The following CNPY1 variants were observed in gnomAD, a reference collection of about 807,000 sequenced individuals.
CNPY1 encodes canopy FGF signaling regulator 1.
CNPY1 carries 14 observed loss-of-function variants against 14.4 expected under a neutral mutation model. The ratio of observed to expected loss-of-function variants is 0.97; its 90% confidence interval spans 0.64 to 1.52. The LOEUF (loss-of-function observed/expected upper bound fraction) is 1.52. CNPY1 is among the 40% of genes most tolerant of loss of function. The pLI is 0.00. For missense variants in CNPY1, 129 were observed against 131.5 expected (o/e 0.98, Z 0.09); for synonymous variants, 43 against 46.5 (o/e 0.92, Z 0.31).
intron 4 of CNPY1, among the ~76,000 whole-genome samples, chr7:155,504,304 T>C: frequency 6.6e-6 from 1 of 152,178 alleles, no homozygotes; most frequent in Admixed American, 6.5e-5. Context: ...ATGTGTTATA[T>C]TTTCATCCAA....
chr7:155,532,393 C>A (rs893024526), intron 2 of CNPY1, among the ~76,000 whole-genome samples: 15 of 151,264 alleles, frequency 9.9e-5, no homozygotes, highest in African/African-American at 3.7e-4. Flanking sequence ...GAGGCCGAGG[C>A]GGGCGGATCA....
chr7:155,533,768 TG>T (rs1796984563), intron 2 of CNPY1: 1 of 152,260 alleles, frequency 6.6e-6, no homozygotes, highest in African/African-American at 2.4e-5. Flanking sequence ...ACCTGCTCCC[TG>T]TAGTACAGTC....
chr7:155,527,856 G>T (rs1796857697), intron 2 of CNPY1, among the ~76,000 whole-genome samples: 1 of 152,208 alleles, frequency 6.6e-6, no homozygotes, highest in Admixed American at 6.5e-5. Context: ...CCACACACAG[G>T]GGTCCCGGCC....
chr7:155,534,744 G>A (rs76668270), intron 2 of CNPY1, among the ~76,000 whole-genome samples: 1,755 of 152,302 alleles, frequency 0.012, 16 homozygotes, highest in Middle Eastern at 0.031. Context: ...ATGGGACTCC[G>A]GCCTCCGGTG....
chr7:155,538,749 T>C (rs749241115), intron 2 of CNPY1, among the ~76,000 whole-genome samples: 4 of 152,154 alleles, frequency 2.6e-5, no homozygotes, highest in Non-Finnish European at 5.9e-5. Flanking sequence ...GCTGTTCACT[T>C]TTCTGCTCTG....
At chr7:155,542,110 G>A (rs751465277) in intron 2 of CNPY1, among the ~76,000 whole-genome samples, 1 of 152,070 alleles carries the variant, frequency 6.6e-6, no homozygotes, top group Admixed American at 6.5e-5. Context: ...TGGGACGCTC[G>A]ATGTGGAGTA....
intron 2 of CNPY1, among the ~76,000 whole-genome samples, chr7:155,531,435 G>C (rs1056462849): frequency 6.6e-6 from 1 of 152,174 alleles, no homozygotes; most frequent in Non-Finnish European, 1.5e-5. Context: ...GAGAGGCTTC[G>C]ACAACTAATT....
chr7:155,531,349 T>C (rs950635901), intron 2 of CNPY1, among the ~76,000 whole-genome samples: 1 of 152,238 alleles, frequency 6.6e-6, no homozygotes, highest in Admixed American at 6.5e-5. Flanking sequence ...AATGTTGATG[T>C]TTTTAGAAAC....
chr7:155,540,255 G>A (rs985366271), intron 2 of CNPY1, among the ~76,000 whole-genome samples: 6 of 152,198 alleles, frequency 3.9e-5, no homozygotes, highest in Admixed American at 6.5e-5. Flanking sequence ...AGACAGCTTC[G>A]AAGGACTTCC....
intron 2 of CNPY1, among the ~76,000 whole-genome samples, chr7:155,542,742 G>A (rs537779624): frequency 6.6e-6 from 1 of 152,344 alleles, no homozygotes; most frequent in South Asian, 2.1e-4. Flanking sequence ...ACCAGGGACT[G>A]AGCCAGTGCG....
intron 2 of CNPY1, among the ~76,000 whole-genome samples, chr7:155,529,781 TTTTTTTTCTTTAA>T (rs1478699270): frequency 2.0e-5 from 3 of 151,666 alleles, no homozygotes; most frequent in East Asian, 3.9e-4. Flanking sequence ...CTTTTCTTTT[TTTTTTTTCTTTAA>T]TTTTTTGAGA....
chr7:155,528,341 A>C (rs1471932894), intron 2 of CNPY1, among the ~76,000 whole-genome samples: 1 of 152,228 alleles, frequency 6.6e-6, no homozygotes, highest in East Asian at 1.9e-4. Flanking sequence ...GGGCGGGCCC[A>C]GGAGCCCAGA....
At chr7:155,507,636 G>A (rs1159278023) in intron 3 of CNPY1, among the ~76,000 whole-genome samples, 2 of 151,962 alleles carry the variant, frequency 1.3e-5, no homozygotes, top group East Asian at 3.8e-4. Flanking sequence ...TTTCACTGTG[G>A]AGAACACCCT....
At chr7:155,504,151 G>A (rs185828926) in intron 4 of CNPY1, among the ~76,000 whole-genome samples, 1 of 152,278 alleles carries the variant, frequency 6.6e-6, no homozygotes, top group East Asian at 1.9e-4. Flanking sequence ...TCCAAAAACA[G>A]AGTACATTTG....
At chr7:155,521,723 C>A (rs1796729039) in intron 2 of CNPY1, among the ~76,000 whole-genome samples, 1 of 152,262 alleles carries the variant, frequency 6.6e-6, no homozygotes, top group Non-Finnish European at 1.5e-5. Flanking sequence ...ATTGTCCATA[C>A]ATAAAGTTTC....
intron 2 of CNPY1, among the ~76,000 whole-genome samples, chr7:155,514,849 G>A (rs1485375301): frequency 6.6e-6 from 1 of 152,072 alleles, no homozygotes; most frequent in African/African-American, 2.4e-5. Context: ...AGCCGAGATC[G>A]CGCCATTGCA....
intron 2 of CNPY1, among the ~76,000 whole-genome samples, chr7:155,532,752 C>G (rs1180289837): frequency 6.6e-6 from 1 of 152,056 alleles, no homozygotes; most frequent in African/African-American, 2.4e-5. Context: ...TTTTAAAATC[C>G]CATAATACCT....
intron 2 of CNPY1, among the ~76,000 whole-genome samples, chr7:155,528,688 A>G (rs570947532): frequency 6.6e-6 from 1 of 152,338 alleles, no homozygotes; most frequent in East Asian, 1.9e-4. Context: ...CCATCTTTGA[A>G]GCACGGCCTT....
intron 2 of CNPY1, among the ~76,000 whole-genome samples, chr7:155,527,056 T>TTCTTTCTTTCTTTCTTTCTTTC (rs760709873): frequency 3.4e-5 from 3 of 89,232 alleles, no homozygotes; most frequent in East Asian, 3.4e-4. Context: ...CTTTCTTTCT[T>TTCTTTCTTTCTTTCTTTCTTTC]TTTTTTTTTT....
Sources: allele counts gnomAD v4.1 joint callset (sites outside exome capture counted in the v4.1 genomes callset), GRCh38; gene constraint gnomAD v4.1.1; transcripts MANE v1.5; gene names NCBI Gene and HGNC (gene_info 2026-07-23, HGNC 2026-07-21).